XRCC4: variants seen among roughly 807,000 people sequenced by gnomAD.
The protein encoded by XRCC4 is DNA repair protein XRCC4.
In XRCC4, 28 loss-of-function variants were observed where a neutral mutation model predicts 39.1. That is an observed-to-expected ratio of 0.72 (90% CI 0.53 to 0.98). XRCC4 has a LOEUF of 0.98. XRCC4 is among the 50% of genes least tolerant of loss of function. The probability of loss-of-function intolerance (pLI) is 0.00; values close to 1 mark genes in which losing one functional copy is unlikely to be tolerated. For synonymous variants in XRCC4, 123 were observed against 126.4 expected, an observed-to-expected ratio of 0.97 and a Z score of 0.18; for missense variants, 350 against 376.4, an observed-to-expected ratio of 0.93 and a Z score of 0.58.
intron 7 of XRCC4, among the ~76,000 whole-genome samples, chr5:83,351,214 T>C (rs376618189): frequency 6.6e-6 from 1 of 152,210 alleles, no homozygotes; most frequent in Non-Finnish European, 1.5e-5. Context: ...TTCTCAGCCA[T>C]GTTTCCTGTA....
At chr5:83,302,300 C>A (rs77398785) in intron 7 of XRCC4, among the ~76,000 whole-genome samples, 3,660 of 152,184 alleles carry the variant, frequency 0.024, 139 homozygotes, top group African/African-American at 0.083. Flanking sequence ...ACATGACCAC[C>A]CAGTTTTATG....
At chr5:83,238,386 G>A (rs569337193) in intron 6 of XRCC4, among the ~76,000 whole-genome samples, 9 of 152,238 alleles carry the variant, frequency 5.9e-5, no homozygotes, top group Non-Finnish European at 1.0e-4. Flanking sequence ...AGGCTTCAGA[G>A]AAATGTTGTT....
At chr5:83,231,450 T>C (rs1218831742) in intron 6 of XRCC4, among the ~76,000 whole-genome samples, 1 of 152,104 alleles carries the variant, frequency 6.6e-6, no homozygotes, top group African/African-American at 2.4e-5. Context: ...GTTTATCAAG[T>C]GGTGAATGAA....
At chr5:83,094,667 C>G (rs1745594082) in intron 1 of XRCC4, among the ~76,000 whole-genome samples, 1 of 150,462 alleles carries the variant, frequency 6.6e-6, no homozygotes, top group South Asian at 2.1e-4. Context: ...TTTATATATT[C>G]TTGTGGTTAA....
In XRCC4 at chr5:83,105,011, G is replaced by A; in HGVS notation, c.92G>A (p.Gly31Asp). Residue 31 changes from glycine to aspartate, a missense_variant, in exon 2 of 8, where the codon GGT becomes GAT. Transcript: ENST00000396027. ...QVSWEKTLES[G>D]FVITLTDGHS... ...TCTTGGGAGAAAACACTGGAATCTG[G>A]TTTTGTTATTACACTTACTGATGGT... 1 of 1,613,562 alleles carries A rather than the reference G, an allele frequency of 6.2e-7. No individual in the cohort carries two copies. Among genetic ancestry groups the A allele is most frequent in the Non-Finnish European group, 8.5e-7 (1 of 1,179,768 alleles).
intron 3 of XRCC4, among the ~76,000 whole-genome samples, chr5:83,132,580 C>G (rs1747654396): frequency 6.6e-6 from 1 of 152,128 alleles, no homozygotes; most frequent in Non-Finnish European, 1.5e-5. Context: ...TTGTTCATTT[C>G]TTTTTACTCT....
At chr5:83,103,590 T>C (rs1206810005) in intron 1 of XRCC4, among the ~76,000 whole-genome samples, 2 of 152,180 alleles carry the variant, frequency 1.3e-5, no homozygotes, top group Non-Finnish European at 2.9e-5. Context: ...GAAATGCATA[T>C]GTATTTGCTA....
At chr5:83,341,696 A>T (rs1214616767) in intron 7 of XRCC4, among the ~76,000 whole-genome samples, 1 of 152,086 alleles carries the variant, frequency 6.6e-6, no homozygotes, top group Non-Finnish European at 1.5e-5. Flanking sequence ...AAGGGTATGG[A>T]TTTTGGATTT....
intron 3 of XRCC4, among the ~76,000 whole-genome samples, chr5:83,176,323 T>TA (rs1202190827): frequency 3.9e-5 from 6 of 151,996 alleles, no homozygotes; most frequent in Admixed American, 3.3e-4. Flanking sequence ...ATACATAAAG[T>TA]AAAAAAATAG....
At chr5:83,278,934 G>T (rs1277804550) in intron 7 of XRCC4, among the ~76,000 whole-genome samples, 1 of 147,586 alleles carries the variant, frequency 6.8e-6, no homozygotes, top group African/African-American at 2.5e-5. Context: ...GTTGCAGTGA[G>T]CCGAGATCGT....
the XRCC4 span, among the ~76,000 whole-genome samples, chr5:83,359,364 G>A: frequency 6.6e-6 from 1 of 152,158 alleles, no homozygotes; most frequent in African/African-American, 2.4e-5. Context: ...CCTAGCCAGA[G>A]TTGATTAGAT....
intron 2 of XRCC4, 88 bp from the exon 3 acceptor site, chr5:83,110,940 A>AT: frequency 1.6e-6 from 2 of 1,236,652 alleles, no homozygotes; most frequent in Non-Finnish European, 2.2e-6. Flanking sequence ...GTTACATGTG[A>AT]TAAATTAGTA....
intron 3 of XRCC4, among the ~76,000 whole-genome samples, chr5:83,181,687 C>G (rs989963531): frequency 6.6e-6 from 1 of 152,084 alleles, no homozygotes; most frequent in African/African-American, 2.4e-5. Flanking sequence ...AAAGGGAACA[C>G]AGGTAAGCCA....
chr5:83,340,659 G>C (rs1756729059), intron 7 of XRCC4, among the ~76,000 whole-genome samples: 1 of 151,280 alleles, frequency 6.6e-6, no homozygotes, highest in Non-Finnish European at 1.5e-5. Context: ...TTCTCCACTA[G>C]TGCCTCCAGA....
At chr5:83,273,735 G>C (rs1754225156) in intron 7 of XRCC4, among the ~76,000 whole-genome samples, 1 of 152,032 alleles carries the variant, frequency 6.6e-6, no homozygotes, top group Non-Finnish European at 1.5e-5. Flanking sequence ...GTAGATGTGT[G>C]GTGTTATTTC....
At chr5:83,295,467 A>C (rs1755060590) in intron 7 of XRCC4, among the ~76,000 whole-genome samples, 1 of 152,094 alleles carries the variant, frequency 6.6e-6, no homozygotes, top group African/African-American at 2.4e-5. Context: ...ATTGTACTCC[A>C]TGATATGTGC....
chr5:83,086,784 T>C (rs991897400), intron 1 of XRCC4, among the ~76,000 whole-genome samples: 3 of 152,208 alleles, frequency 2.0e-5, no homozygotes, highest in African/African-American at 7.2e-5. Context: ...ATCTAGTTTT[T>C]TTTTTCAAAA....
chr5:83,339,315 C>T (rs1010601064), intron 7 of XRCC4, among the ~76,000 whole-genome samples: 1 of 152,046 alleles, frequency 6.6e-6, no homozygotes, highest in African/African-American at 2.4e-5. Flanking sequence ...TTTATAGACC[C>T]ACTTTTCATT....
At chr5:83,102,336 G>A (rs80296163) in intron 1 of XRCC4, among the ~76,000 whole-genome samples, 2,224 of 152,194 alleles carry the variant, frequency 0.015, 62 homozygotes, top group African/African-American at 0.051. Flanking sequence ...GGCCTGTCGT[G>A]TGTAAGAGGA....
Sources: gnomAD v4.1 joint callset for allele counts (sites outside exome capture counted in the v4.1 genomes callset) on GRCh38, gnomAD v4.1.1 for gene constraint, MANE v1.5 for transcripts, NCBI Gene and HGNC (gene_info 2026-07-23, HGNC 2026-07-21) for gene names.